CGNL1: variants seen among roughly 807,000 people sequenced by gnomAD.
CGNL1 encodes the protein cingulin like 1, also known as cingulin-like protein 1.
A neutral mutation model predicts 141.2 loss-of-function variants in CGNL1; 132 were observed. The observed-to-expected ratio is 0.93, with a 90% CI of 0.81 to 1.08. The LOEUF is 1.08. Ranked by LOEUF, CGNL1 falls within the 50% of genes least tolerant of loss-of-function variation. The pLI is 0.00. For missense variants in CGNL1, 1,870 were observed against 1,588.6 expected, an observed-to-expected ratio of 1.18 and a Z score of -3.01; for synonymous variants, 690 against 622.1, an observed-to-expected ratio of 1.11 and a Z score of -1.63.
At chr15:57,459,352 A>T (rs1805661173) in intron 7 of CGNL1, among the ~76,000 whole-genome samples, 2 of 152,236 alleles carry the variant, frequency 1.3e-5, no homozygotes, top group African/African-American at 4.8e-5. Flanking sequence ...TAAGTAGGCG[A>T]GTCAAATGCA....
chr15:57,438,341 A>G lies in CGNL1; in HGVS notation c.342A>G (p.Ile114Met), dbSNP rs1254193866. The change falls in exon 2 of 19, where the codon ATA becomes ATG. Residue 114 changes from isoleucine to methionine, a missense_variant. Physicochemically the swap from Ile to Met is conservative, Grantham distance 10. Transcript: ENST00000281282. ...PENPYAQPSP[I>M]RNLKQPLLHE... ...ACCCATACGCCCAGCCTAGCCCAAT[A>G]AGAAACCTGAAACAGCCCCTGCTCC... is the stretch of plus-strand genomic sequence containing the variant. 1.2e-6 allele frequency: 2 copies of G among 1,614,138 alleles called. No individual in the cohort carries two copies. The highest frequency in any genetic ancestry group is 1.7e-6 in the Non-Finnish European group (2 of 1,180,028).
chr15:57,483,197 T>C (rs1200342474), intron 8 of CGNL1, among the ~76,000 whole-genome samples: 1 of 152,230 alleles, frequency 6.6e-6, no homozygotes, highest in African/African-American at 2.4e-5. Flanking sequence ...ATGAACATGG[T>C]CTAAGTAAAT....
At chr15:57,423,343 G>T (rs1720029992) in intron 1 of CGNL1, among the ~76,000 whole-genome samples, 1 of 152,198 alleles carries the variant, frequency 6.6e-6, no homozygotes, top group African/African-American at 2.4e-5. Context: ...CCCCATGGCT[G>T]TAAACACATC....
At chr15:57,535,153 C>T (rs1253531502) in intron 14 of CGNL1, among the ~76,000 whole-genome samples, 1 of 152,142 alleles carries the variant, frequency 6.6e-6, no homozygotes, top group African/African-American at 2.4e-5. Flanking sequence ...GTCATGCAGG[C>T]AATTGACTGC....
chr15:57,482,734 T>C (rs1012555877), intron 8 of CGNL1, among the ~76,000 whole-genome samples: 3 of 152,184 alleles, frequency 2.0e-5, no homozygotes, highest in Non-Finnish European at 4.4e-5. Flanking sequence ...ACTTTATTCT[T>C]TTTTAAAATT....
chr15:57,533,647 A>G (rs562611584), intron 14 of CGNL1, among the ~76,000 whole-genome samples: 58 of 152,232 alleles, frequency 3.8e-4, no homozygotes, highest in Non-Finnish European at 3.5e-4. Flanking sequence ...ACATTGAACC[A>G]GAACGTGTCT....
intron 1 of CGNL1, among the ~76,000 whole-genome samples, chr15:57,377,752 A>C (rs1430404774): frequency 2.0e-5 from 3 of 152,252 alleles, no homozygotes; most frequent in Non-Finnish European, 4.4e-5. Context: ...AGTCCTTGTC[A>C]GGGTCAAGGT....
At chr15:57,395,023 A>C (rs2062587259) in intron 1 of CGNL1, among the ~76,000 whole-genome samples, 1 of 152,184 alleles carries the variant, frequency 6.6e-6, no homozygotes, top group African/African-American at 2.4e-5. Context: ...AAGCAGGAAA[A>C]CTGCTTGAAC....
intron 16 of CGNL1, among the ~76,000 whole-genome samples, chr15:57,545,194 G>T (rs1195073336): frequency 1.3e-5 from 2 of 152,218 alleles, no homozygotes; most frequent in African/African-American, 2.4e-5. Context: ...CTTCCTAGAA[G>T]GAGCGTGGTG....
chr15:57,446,209 A>C (rs1381612630), intron 4 of CGNL1, among the ~76,000 whole-genome samples: 1 of 152,184 alleles, frequency 6.6e-6, no homozygotes, highest in African/African-American at 2.4e-5. Flanking sequence ...ATATTGTTTT[A>C]TTGGGGTATA....
At chr15:57,537,387 TG>T (rs2032318126) in intron 14 of CGNL1, among the ~76,000 whole-genome samples, 2 of 152,068 alleles carry the variant, frequency 1.3e-5, no homozygotes, top group South Asian at 4.2e-4. Context: ...CCCTGCTAAA[TG>T]GGACCGTCGT....
At chr15:57,525,572 A>C (rs1216612105) in intron 12 of CGNL1, among the ~76,000 whole-genome samples, 3 of 152,246 alleles carry the variant, frequency 2.0e-5, no homozygotes, top group African/African-American at 7.2e-5. Flanking sequence ...CATCCCGGAC[A>C]CTTCATAAAT....
At position 57,550,238 on chromosome 15, in the gene CGNL1, G is replaced by A. The variant is rs569116984; in HGVS notation, c.*2748G>A. 639 of 152,572 alleles carry A rather than the reference G, an allele frequency of 4.2e-3. 3 individuals carry two copies. The highest frequency in any genetic ancestry group is 3.4e-3 in the Non-Finnish European group (232 of 68,042). The allele number at this position is 152,572 out of a possible 1,614,324, so 9.5% of individuals were successfully genotyped here. A position where few individuals can be genotyped will look rare whatever the true frequency, so the allele number is the denominator to read the frequency against. On this transcript the variant is annotated 3_prime_UTR_variant, in exon 19 of 19. Transcript: ENST00000281282. ...TGAAAGTTAAGAGAAGGGTTTTCAA[G>A]TCCCGGCTCATCTCACCCCAGTGAC...
At chr15:57,384,404 G>C (rs1421832800) in intron 1 of CGNL1, among the ~76,000 whole-genome samples, 1 of 152,130 alleles carries the variant, frequency 6.6e-6, no homozygotes, top group Non-Finnish European at 1.5e-5. Context: ...TTTTACAGGC[G>C]ATAGAAACAA....
chr15:57,509,609 A>G (rs1015766064), intron 8 of CGNL1, among the ~76,000 whole-genome samples: 6 of 152,204 alleles, frequency 3.9e-5, no homozygotes, highest in Admixed American at 2.0e-4. Flanking sequence ...TTGTTTCTCC[A>G]GGGGCCAGTG....
chr15:57,518,402 C>G lies in CGNL1; in HGVS notation c.2620C>G (p.Arg874Gly), dbSNP rs187964382. The change falls in exon 10 of 19, where the codon CGA (arginine) becomes GGA (glycine). Residue 874 changes from arginine to glycine, a missense_variant. Arg to Gly is a moderately radical substitution (Grantham distance 125). Coordinates refer to ENST00000281282, the MANE Select transcript of CGNL1 (RefSeq NM_032866.5). Reference sequence around the variant, plus strand: ...CAGTGTTTCATTGTAGGGAGAAATACGACAGTTAGAGGAGGCCCTTGTGCA... The same window carrying G: ...CAGTGTTTCATTGTAGGGAGAAATAGGACAGTTAGAGGAGGCCCTTGTGCA... ...ETLKKYEGEIRQLEEALVHAR... is the reference protein window; with the variant it reads ...ETLKKYEGEIGQLEEALVHAR... 6.8e-6 allele frequency: 11 copies of G among 1,612,138 alleles called. No homozygotes were observed. The highest frequency in any genetic ancestry group is 8.5e-6 in the Non-Finnish European group (10 of 1,178,862).
At chr15:57,499,592 G>A (rs1423969215) in intron 8 of CGNL1, among the ~76,000 whole-genome samples, 1 of 152,160 alleles carries the variant, frequency 6.6e-6, no homozygotes, top group African/African-American at 2.4e-5. Flanking sequence ...GTGGGTTAAT[G>A]TAAATTGTGA....
rs116292781 is a variant in CGNL1 at position 57,379,093 on chromosome 15, A to G, written c.-16+2526A>G. Among the ~76,000 whole-genome samples, 417 of 152,286 alleles carry G rather than the reference A, an allele frequency of 2.7e-3. 2 individuals are homozygous for G. Among genetic ancestry groups the G allele is most frequent in the African/African-American group, 9.7e-3 (404 of 41,554 alleles). ...GAGTGAGACCATGCCAACAAAATGA[A>G]GCCATATTATTAAATGGTTTGTTAA... On this transcript the variant is annotated intron_variant, in intron 1 of 18. Transcript: ENST00000281282.
intron 10 of CGNL1, among the ~76,000 whole-genome samples, chr15:57,523,175 C>A (rs895757866): frequency 6.6e-6 from 1 of 152,194 alleles, no homozygotes; most frequent in African/African-American, 2.4e-5. Context: ...CAAGCATGAA[C>A]ATTCAGGTTT....
Sources: gnomAD v4.1 joint callset for allele counts (sites outside exome capture counted in the v4.1 genomes callset) on GRCh38, gnomAD v4.1.1 for gene constraint, MANE v1.5 for transcripts, NCBI Gene and HGNC (gene_info 2026-07-23, HGNC 2026-07-21) for gene names.